The following KLF8 variants were observed in gnomAD, a reference collection of about 807,000 sequenced individuals.
The protein encoded by KLF8 is KLF transcription factor 8.
In KLF8, 10 loss-of-function variants were observed where a neutral mutation model predicts 18.2. The observed-to-expected ratio is 0.55, with a 90% CI of 0.34 to 0.93. KLF8 has a LOEUF of 0.93. Ranked by LOEUF, KLF8 falls within the 40% of genes least tolerant of loss-of-function variation. The probability of loss-of-function intolerance (pLI) is 0.02; values close to 1 mark genes in which losing one functional copy is unlikely to be tolerated. For synonymous variants in KLF8, 109 were observed against 97.3 expected (o/e 1.12, Z -0.71); for missense variants, 264 against 277.9 (o/e 0.95, Z 0.36).
chrX:56,091,509 T>A, the KLF8 span, among the ~76,000 whole-genome samples: 1 of 111,141 alleles, frequency 9.0e-6, no homozygotes, highest in South Asian at 3.9e-4. Flanking sequence ...TATTTATTTA[T>A]TTATTGAGAC....
the KLF8 span, among the ~76,000 whole-genome samples, chrX:55,965,710 C>A: frequency 8.9e-6 from 1 of 112,139 alleles, no homozygotes; most frequent in African/African-American, 3.2e-5. Flanking sequence ...AATCAATGTA[C>A]AAAAATTAAT....
chrX:56,169,341 G>C, the KLF8 span, among the ~76,000 whole-genome samples: 3 of 111,198 alleles, frequency 2.7e-5, no homozygotes, highest in South Asian at 1.1e-3. Context: ...ACTTTGTTTT[G>C]CACCCTAGGT....
chrX:55,918,003 G>C, the KLF8 span, among the ~76,000 whole-genome samples: 1 of 111,760 alleles, frequency 8.9e-6, no homozygotes, highest in Admixed American at 9.5e-5. Flanking sequence ...AAATTAGGAA[G>C]GGGACAGTCT....
the KLF8 span, among the ~76,000 whole-genome samples, chrX:56,136,044 G>T: frequency 9.0e-6 from 1 of 111,148 alleles, no homozygotes; most frequent in East Asian, 2.8e-4. Flanking sequence ...AACTTACAAG[G>T]GATGTGAAGG....
the KLF8 span, among the ~76,000 whole-genome samples, chrX:56,042,906 C>T: frequency 2.7e-5 from 3 of 111,525 alleles, no homozygotes; most frequent in African/African-American, 9.8e-5. Flanking sequence ...ATGTGGTTGC[C>T]TCATAATATC....
chrX:55,955,351 G>T, the KLF8 span, among the ~76,000 whole-genome samples: 1 of 111,137 alleles, frequency 9.0e-6, no homozygotes, highest in Non-Finnish European at 1.9e-5. Flanking sequence ...AGGAGATGAG[G>T]TCAGAGAAGA....
the KLF8 span, among the ~76,000 whole-genome samples, chrX:56,059,118 T>G: frequency 2.7e-5 from 3 of 112,540 alleles, no homozygotes; most frequent in Non-Finnish European, 5.6e-5. Context: ...ATGAGCTTTT[T>G]TTCATGTGTT....
chrX:56,011,303 C>T, the KLF8 span, among the ~76,000 whole-genome samples: 1 of 112,234 alleles, frequency 8.9e-6, no homozygotes, highest in Non-Finnish European at 1.9e-5. Flanking sequence ...AATTAGCACT[C>T]AAGATTGAGT....
the KLF8 span, among the ~76,000 whole-genome samples, chrX:55,959,715 G>A: frequency 9.0e-6 from 1 of 111,475 alleles, no homozygotes; most frequent in Non-Finnish European, 1.9e-5. Flanking sequence ...AAAAATGAAT[G>A]AAACCTCCAA....
At chrX:56,022,294 C>T in the KLF8 span, among the ~76,000 whole-genome samples, 3 of 110,424 alleles carry the variant, frequency 2.7e-5, no homozygotes, top group South Asian at 1.2e-3. Flanking sequence ...TGCCTGTAAT[C>T]CCAGCACTTT....
At chrX:56,202,559 T>TCCCCCCCCCCCCCCCCCCCCCCCCC in the KLF8 span, among the ~76,000 whole-genome samples, 3 of 75,806 alleles carry the variant, frequency 4.0e-5, no homozygotes, top group Non-Finnish European at 5.3e-5. Flanking sequence ...CCATTAACCT[T>TCCCCCCCCCCCCCCCCCCCCCCCCC]CCCCCCCCCT....
At chrX:55,997,572 C>T in the KLF8 span, among the ~76,000 whole-genome samples, 19 of 111,821 alleles carry the variant, frequency 1.7e-4, no homozygotes, top group Middle Eastern at 4.6e-3. Context: ...CTCCCTTCAG[C>T]CCAGGTTCTG....
chrX:55,913,246 T>C, the KLF8 span, among the ~76,000 whole-genome samples: 1 of 111,537 alleles, frequency 9.0e-6, no homozygotes, highest in Non-Finnish European at 1.9e-5. Flanking sequence ...TTTATTATAA[T>C]AGCTCCTTTA....
At chrX:56,092,087 G>GT in the KLF8 span, among the ~76,000 whole-genome samples, 22 of 108,314 alleles carry the variant, frequency 2.0e-4, no homozygotes, top group East Asian at 5.8e-4. Flanking sequence ...CTGATGTTGA[G>GT]TTTTTTTTGT....
At position 56,288,011 on chromosome X, in the gene KLF8, G is replaced by A. The variant is rs1380908561; in HGVS notation, c.*3517G>A. 2.7e-5 allele frequency: 3 copies of A among 111,580 alleles called. No homozygotes were observed. Among genetic ancestry groups the A allele is most frequent in the Non-Finnish European group, 5.6e-5 (3 of 53,130 alleles). The allele number at this position is 111,580 out of a possible 1,213,427, so 9.2% of individuals were successfully genotyped here. ...CCAGCACTTTGGGAGGCCAAGACGG[G>A]CGGATCACGAAGTCAGGAGTTCGAG... On this transcript the variant is annotated 3_prime_UTR_variant, in exon 6 of 6. Coordinates refer to ENST00000468660, the MANE Select transcript of KLF8 (RefSeq NM_007250.5).
chrX:56,134,546 TA>T, the KLF8 span, among the ~76,000 whole-genome samples: 1 of 111,580 alleles, frequency 9.0e-6, no homozygotes, highest in African/African-American at 3.3e-5. Context: ...GACCTGAAAC[TA>T]TAAACATTCT....
chrX:56,109,719 A>T, the KLF8 span, among the ~76,000 whole-genome samples: 1 of 110,874 alleles, frequency 9.0e-6, no homozygotes, highest in African/African-American at 3.3e-5. Context: ...TTGACCTTTT[A>T]TCAATACAAA....
the KLF8 span, among the ~76,000 whole-genome samples, chrX:56,007,088 C>T: frequency 8.9e-6 from 1 of 112,228 alleles, no homozygotes; most frequent in Non-Finnish European, 1.9e-5. Context: ...AAGTGGCTCT[C>T]AGGATCTGGT....
chrX:56,136,583 C>T, the KLF8 span, among the ~76,000 whole-genome samples: 5 of 111,527 alleles, frequency 4.5e-5, no homozygotes, highest in East Asian at 5.6e-4. Context: ...CCCTTCCTTA[C>T]ACCTTATACA....
Sources: allele counts gnomAD v4.1 joint callset (sites outside exome capture counted in the v4.1 genomes callset), GRCh38; gene constraint gnomAD v4.1.1; transcripts MANE v1.5; gene names NCBI Gene and HGNC (gene_info 2026-07-23, HGNC 2026-07-21).